TMEM132C: variants seen among roughly 807,000 people sequenced by gnomAD.
The protein encoded by TMEM132C is transmembrane protein 132C.
In TMEM132C, 29 loss-of-function variants were observed where a neutral mutation model predicts 61.4. The observed-to-expected ratio is 0.47, with a 90% confidence interval of 0.35 to 0.64. The LOEUF is 0.64. Among genes scored for constraint, TMEM132C ranks in the 30% least tolerant of loss-of-function variants. TMEM132C has a pLI of 0.00. For missense variants in TMEM132C, 1,408 were observed against 1,476.9 expected (o/e 0.95, Z 0.76); for synonymous variants, 656 against 633.1 (o/e 1.04, Z -0.54).
intron 1 of TMEM132C, among the ~76,000 whole-genome samples, chr12:128,293,925 C>A (rs1709695): frequency 6.6e-6 from 1 of 151,886 alleles, no homozygotes; most frequent in African/African-American, 2.4e-5. Flanking sequence ...ATTATAATTA[C>A]GCATTGTGAA....
chr12:128,433,488 C>G (rs1394959243), intron 2 of TMEM132C, among the ~76,000 whole-genome samples: 1 of 152,178 alleles, frequency 6.6e-6, no homozygotes, highest in Non-Finnish European at 1.5e-5. Context: ...AAAAATTATC[C>G]TGCCTCAGTT....
chr12:128,334,320 C>T lies in TMEM132C; in HGVS notation c.85+66833C>T, dbSNP rs373319562. Among the ~76,000 whole-genome samples the T allele has an allele frequency of 3.9e-5, 6 of 152,264 alleles. No individual in the cohort carries two copies. In the South Asian group the frequency reaches 6.2e-4, roughly 16 times the overall value. ...CGCCACCGCCCACCCACCATGTCCT[C>T]GAGATTCAAGGTGTTAGTCCCCAGC... On this transcript the variant is annotated intron_variant, in intron 1 of 8. Transcript: ENST00000435159.
chr12:128,285,128 A>G (rs1193395), intron 1 of TMEM132C, among the ~76,000 whole-genome samples: 141,442 of 152,244 alleles, frequency 0.93, 65,794 homozygotes, highest in African/African-American at 0.95. Flanking sequence ...GGGAGACAGA[A>G]CAAGACCCTG....
intron 4 of TMEM132C, among the ~76,000 whole-genome samples, chr12:128,656,636 G>C (rs1168402367): frequency 6.6e-6 from 1 of 152,202 alleles, no homozygotes; most frequent in Non-Finnish European, 1.5e-5. Context: ...TGATTCAGTA[G>C]GTCTGGGGTA....
chr12:128,390,345 C>T (rs749810395), intron 1 of TMEM132C, among the ~76,000 whole-genome samples: 4 of 152,214 alleles, frequency 2.6e-5, no homozygotes, highest in Non-Finnish European at 5.9e-5. Context: ...GAGGCAAATG[C>T]GTTTCCCTGC....
chr12:128,427,644 G>A (rs1878733), intron 2 of TMEM132C, among the ~76,000 whole-genome samples: 42,571 of 151,734 alleles, frequency 0.28, 6,129 homozygotes, highest in Non-Finnish European at 0.3. Flanking sequence ...ATCCAGCTAC[G>A]TTAGGTGAAC....
chr12:128,532,053 G>C (rs1873330936), intron 2 of TMEM132C, among the ~76,000 whole-genome samples: 1 of 152,212 alleles, frequency 6.6e-6, no homozygotes, highest in South Asian at 2.1e-4. Flanking sequence ...AAAGATTTCA[G>C]ATACAAAGCT....
chr12:128,312,625 C>T (rs557813328), intron 1 of TMEM132C, among the ~76,000 whole-genome samples: 4 of 152,274 alleles, frequency 2.6e-5, no homozygotes, highest in East Asian at 3.9e-4. Flanking sequence ...CACAGTTACA[C>T]ACTAAGGAGC....
In TMEM132C at chr12:128,542,573, TG is replaced by T. The variant is rs1873794905; in HGVS notation, c.975-1381del. ...TGCCCAGCTCAGCCTCCTAAACTGCTGGGATTGGCCGGACGCAGTGGCTGAC... is the reference window on the plus strand; with the variant it reads ...TGCCCAGCTCAGCCTCCTAAACTGCTGGATTGGCCGGACGCAGTGGCTGAC... On this transcript the variant is annotated intron_variant, in intron 2 of 8. Transcript: ENST00000435159. Among the ~76,000 whole-genome samples the T allele has an allele frequency of 2.0e-5, 3 of 152,104 alleles. No individual in the cohort carries two copies. The South Asian group carries it at 6.2e-4, about 31-fold the overall frequency.
chr12:128,495,879 T>C (rs1477438507), intron 2 of TMEM132C, among the ~76,000 whole-genome samples: 1 of 152,202 alleles, frequency 6.6e-6, no homozygotes, highest in Non-Finnish European at 1.5e-5. Context: ...GTCATTATGA[T>C]GTTAGCTGGT....
chr12:128,368,322 C>T (rs1037551324), intron 1 of TMEM132C, among the ~76,000 whole-genome samples: 3 of 152,214 alleles, frequency 2.0e-5, no homozygotes, highest in Admixed American at 6.5e-5. Context: ...AGCAAGGTAG[C>T]GCAGTGGTTA....
chr12:128,457,925 C>G (rs1271304478), intron 2 of TMEM132C, among the ~76,000 whole-genome samples: 1 of 152,136 alleles, frequency 6.6e-6, no homozygotes, highest in Non-Finnish European at 1.5e-5. Flanking sequence ...CTGTTTTGCA[C>G]TGCCGGCCAC....
intron 1 of TMEM132C, among the ~76,000 whole-genome samples, chr12:128,375,337 G>T (rs1225358150): frequency 6.6e-6 from 1 of 152,124 alleles, no homozygotes. Flanking sequence ...TGAAACAAAA[G>T]ACATTTCTGG....
chr12:128,357,705 A>G (rs916345769), intron 1 of TMEM132C, among the ~76,000 whole-genome samples: 13 of 151,392 alleles, frequency 8.6e-5, no homozygotes, highest in Non-Finnish European at 1.5e-4. Flanking sequence ...AAAAAAAAAA[A>G]AAAAAGAAAA....
chr12:128,404,737 A>T (rs1267560559), intron 1 of TMEM132C: 2 of 152,172 alleles, frequency 1.3e-5, no homozygotes, highest in Non-Finnish European at 2.9e-5. Flanking sequence ...CATTGCGATG[A>T]AAGCAGTGCA....
intron 2 of TMEM132C, among the ~76,000 whole-genome samples, chr12:128,468,078 A>G (rs1338786688): frequency 4.6e-5 from 7 of 152,164 alleles, no homozygotes; most frequent in African/African-American, 1.4e-4. Flanking sequence ...TGATGACGCA[A>G]TGTCTGACTC....
intron 3 of TMEM132C, among the ~76,000 whole-genome samples, chr12:128,560,511 C>G (rs1290417511): frequency 1.3e-5 from 2 of 152,168 alleles, no homozygotes. Flanking sequence ...CCAGATTATT[C>G]TAATTTCTAC....
chr12:128,421,503 A>G (rs539106118), intron 2 of TMEM132C, among the ~76,000 whole-genome samples: 16 of 152,340 alleles, frequency 1.1e-4, no homozygotes, highest in African/African-American at 3.6e-4. Flanking sequence ...CAATGGTTTC[A>G]CTGAGAGGGC....
intron 1 of TMEM132C, among the ~76,000 whole-genome samples, chr12:128,290,972 A>C (rs1263077984): frequency 6.6e-6 from 1 of 152,146 alleles, no homozygotes; most frequent in East Asian, 1.9e-4. Context: ...CCAGTTGAGA[A>C]TTGCTGGTCC....
Sources: gnomAD v4.1 joint callset for allele counts (sites outside exome capture counted in the v4.1 genomes callset) on GRCh38, gnomAD v4.1.1 for gene constraint, MANE v1.5 for transcripts, NCBI Gene and HGNC (gene_info 2026-07-23, HGNC 2026-07-21) for gene names.